KPNA3: variants seen among roughly 807,000 people sequenced by gnomAD.
KPNA3 encodes the protein importin subunit alpha-4.
KPNA3 carries 13 observed loss-of-function variants against 73.8 expected under a neutral mutation model. That is an observed-to-expected ratio of 0.18 (90% CI 0.11 to 0.28). The LOEUF (loss-of-function observed/expected upper bound fraction) is 0.28. Among genes scored for constraint, KPNA3 ranks in the 10% least tolerant of loss-of-function variants. The pLI, the probability that KPNA3 is intolerant of heterozygous loss-of-function variation, is 1.00. For synonymous variants in KPNA3, 186 were observed against 206.9 expected (o/e 0.90, Z 0.87); for missense variants, 360 against 618.1 (o/e 0.58, Z 4.43).
chr13:49,722,669 G>C (rs1954370622), intron 7 of KPNA3, 106 bp from the exon 8 acceptor site: 2 of 644,756 alleles, frequency 3.1e-6, no homozygotes, highest in Non-Finnish European at 5.2e-6. Context: ...ATTGTAGCTG[G>C]AAGAACAAAT....
At chr13:49,764,127 GTTTTGTTTTGTTTTGT>G (rs1954791007) in intron 1 of KPNA3, among the ~76,000 whole-genome samples, 1 of 46,854 alleles carries the variant, frequency 2.1e-5, no homozygotes, top group Non-Finnish European at 5.9e-5. Context: ...GGTTTGTTTT[GTTTTGTTTTGTTTTGT>G]TTTTTTGAGA....
intron 7 of KPNA3, among the ~76,000 whole-genome samples, chr13:49,723,760 C>T (rs1292665885): frequency 6.7e-6 from 1 of 149,998 alleles, no homozygotes; most frequent in Non-Finnish European, 1.5e-5. Context: ...GTCCCAGCTA[C>T]TTGGGAGGGT....
chr13:49,721,907 C>T, intron 9 of KPNA3, 48 bp downstream of exon 9: 1 of 1,306,560 alleles, frequency 7.7e-7, no homozygotes, highest in Non-Finnish European at 1.0e-6. Context: ...TCCTGAAGTA[C>T]AAACATAGGG....
chr13:49,785,556 G>T (rs940902267), intron 1 of KPNA3, among the ~76,000 whole-genome samples: 1 of 152,126 alleles, frequency 6.6e-6, no homozygotes, highest in South Asian at 2.1e-4. Flanking sequence ...TTAAGTCCCC[G>T]CACATTGAAA....
intron 7 of KPNA3, among the ~76,000 whole-genome samples, chr13:49,723,795 AG>A (rs1954382685): frequency 6.9e-6 from 1 of 145,120 alleles, no homozygotes; most frequent in South Asian, 2.3e-4. Context: ...GCTTGAACCC[AG>A]GAGACGGAAG....
At chr13:49,790,844 G>C (rs1955027196) in intron 1 of KPNA3, among the ~76,000 whole-genome samples, 1 of 152,196 alleles carries the variant, frequency 6.6e-6, no homozygotes, top group South Asian at 2.1e-4. Flanking sequence ...AATGTTACTG[G>C]TTTTTCTGTA....
chr13:49,791,031 TACAAAGGGTATTTAACCATG>T (rs1461597938), intron 1 of KPNA3, among the ~76,000 whole-genome samples: 28 of 152,352 alleles, frequency 1.8e-4, no homozygotes, highest in African/African-American at 6.5e-4. Context: ...ATGTATTTCT[TACAAAGGGTATTTAACCATG>T]ACCAGGAAAG....
Position 49,701,703 on chromosome 13 carries a change from T to C in KPNA3, c.*97A>G. The C allele has an allele frequency of 1.2e-6, 1 of 822,438 alleles. No homozygotes were observed. The highest frequency in any genetic ancestry group is 2.2e-6 in the Non-Finnish European group (1 of 463,176). The allele number at this position is 822,438 out of a possible 1,614,324, so 50.9% of individuals were successfully genotyped here. On this transcript the variant is annotated 3_prime_UTR_variant, in exon 17 of 17. Coordinates refer to ENST00000261667, the MANE Select transcript of KPNA3 (RefSeq NM_002267.4). ...AAGCATCAAAACAAAGAGGCATGTG[T>C]GTTTTGGAGCCTTTTGTTGCTGTTG...
intron 7 of KPNA3, among the ~76,000 whole-genome samples, chr13:49,724,975 C>T (rs1594437267): frequency 6.6e-6 from 1 of 152,122 alleles, no homozygotes; most frequent in Non-Finnish European, 1.5e-5. Flanking sequence ...CCTTGATTAC[C>T]ACACCTAAAA....
chr13:49,720,748 A>G (rs915636901), intron 9 of KPNA3, among the ~76,000 whole-genome samples: 9 of 151,624 alleles, frequency 5.9e-5, no homozygotes, highest in East Asian at 1.9e-4. Context: ...AAAAAAAAAA[A>G]AGAGATAACA....
At chr13:49,750,830 A>G (rs1183734300) in intron 1 of KPNA3, among the ~76,000 whole-genome samples, 1 of 151,984 alleles carries the variant, frequency 6.6e-6, no homozygotes, top group African/African-American at 2.4e-5. Flanking sequence ...CATCTCTACT[A>G]AAAATATCAA....
chr13:49,753,768 G>A lies in KPNA3; in HGVS notation c.70-6775C>T, dbSNP rs1039738138. 9.9e-5 allele frequency among the ~76,000 whole-genome samples: 15 copies of A among 152,250 alleles called. No individual in the cohort carries two copies. In the Middle Eastern group the frequency reaches 0.01, roughly 104 times the overall value. On this transcript the variant is annotated intron_variant, in intron 1 of 16. Transcript: ENST00000261667. The stretch of plus-strand genomic sequence containing the variant: ...TGAGCACGTGAGGGATCTAGGTTGT[G>A]TGCTCCTTATGAGAATCTAACTAAT...
chr13:49,789,512 C>CA (rs1349287886), intron 1 of KPNA3, among the ~76,000 whole-genome samples: 2 of 151,856 alleles, frequency 1.3e-5, no homozygotes, highest in Non-Finnish European at 2.9e-5. Context: ...TGTGTATCAG[C>CA]TGCTTCTATA....
chr13:49,705,354 G>A (rs1306824616), intron 15 of KPNA3, among the ~76,000 whole-genome samples: 1 of 119,138 alleles, frequency 8.4e-6, no homozygotes, highest in Non-Finnish European at 1.9e-5. Context: ...GCAAGATTCT[G>A]TCTCCAAAAA....
intron 1 of KPNA3, among the ~76,000 whole-genome samples, chr13:49,764,469 C>G (rs1381159809): frequency 6.6e-6 from 1 of 152,138 alleles, no homozygotes; most frequent in Non-Finnish European, 1.5e-5. Context: ...CGTCCTTCCT[C>G]TCAGCAGAAG....
At chr13:49,727,091 G>C (rs1954416698) in intron 6 of KPNA3, among the ~76,000 whole-genome samples, 1 of 152,138 alleles carries the variant, frequency 6.6e-6, no homozygotes, top group African/African-American at 2.4e-5. Context: ...TTAGACAAAG[G>C]TTAGGGAGTT....
intron 2 of KPNA3, among the ~76,000 whole-genome samples, chr13:49,739,889 T>C (rs1470262047): frequency 6.6e-6 from 1 of 152,170 alleles, no homozygotes; most frequent in Admixed American, 6.5e-5. Flanking sequence ...TTGACAAAAA[T>C]TCTATATATG....
intron 1 of KPNA3, among the ~76,000 whole-genome samples, chr13:49,778,256 G>A (rs1954912982): frequency 6.6e-6 from 1 of 152,262 alleles, no homozygotes; most frequent in Admixed American, 6.5e-5. Context: ...AAATGGAGGT[G>A]TAAACAGACT....
chr13:49,703,187 T>TTC (rs1240293804), intron 15 of KPNA3, among the ~76,000 whole-genome samples: 1 of 133,276 alleles, frequency 7.5e-6, no homozygotes, highest in Non-Finnish European at 1.6e-5. Context: ...TTCTTTCTTT[T>TTC]TTTTTTTTTT....
Sources: gnomAD v4.1 joint callset for allele counts (sites outside exome capture counted in the v4.1 genomes callset) on GRCh38, gnomAD v4.1.1 for gene constraint, MANE v1.5 for transcripts, NCBI Gene and HGNC (gene_info 2026-07-23, HGNC 2026-07-21) for gene names.